MAP7: variants seen among roughly 807,000 people sequenced by gnomAD.
The protein encoded by MAP7 is microtubule associated protein 7, also known as ensconsin.
A neutral mutation model predicts 94.8 loss-of-function variants in MAP7; 52 were observed. That is an observed-to-expected ratio of 0.55 (90% CI 0.44 to 0.69). The LOEUF (loss-of-function observed/expected upper bound fraction) is 0.69. MAP7 is among the 30% of genes least tolerant of loss of function. MAP7 has a pLI of 0.00. For missense variants in MAP7, 940 were observed against 964.6 expected (o/e 0.97, Z 0.34); for synonymous variants, 350 against 357.0 (o/e 0.98, Z 0.22).
At chr6:136,385,180 G>A (rs1778867557) in intron 5 of MAP7, among the ~76,000 whole-genome samples, 1 of 152,078 alleles carries the variant, frequency 6.6e-6, no homozygotes, top group Non-Finnish European at 1.5e-5. Flanking sequence ...ACTATTTATA[G>A]CACACTGGTA....
intron 1 of MAP7, among the ~76,000 whole-genome samples, chr6:136,458,610 C>G (rs1804140955): frequency 6.6e-6 from 1 of 151,864 alleles, no homozygotes. Context: ...CAGAAATAAG[C>G]CCACAAATAT....
chr6:136,394,008 G>C (rs1781576916), intron 3 of MAP7, among the ~76,000 whole-genome samples: 1 of 119,684 alleles, frequency 8.4e-6, no homozygotes, highest in African/African-American at 3.2e-5. Flanking sequence ...TTTTGAGACA[G>C]AGTCTCACTC....
intron 1 of MAP7, among the ~76,000 whole-genome samples, chr6:136,465,664 T>C (rs1806774777): frequency 6.6e-6 from 1 of 152,192 alleles, no homozygotes. Flanking sequence ...CTGTCTGAAA[T>C]CACAGAACTA....
Position 136,550,400 on chromosome 6 carries a change from C to T in MAP7, c.9G>A (p.Glu3=), listed in dbSNP as rs1410635512. Residue 3 remains glutamate, a synonymous_variant, in exon 1 of 18, where the codon GAG becomes GAA. Transcript: ENST00000354570. This position sits in a 1 kb window ranked among gnomAD's most constrained non-coding sequence, Gnocchi z 5.1. ...TGTGGCCGTCGCCGCCAGCTCCTAG[C>T]TCCGCCATGGTGCTCCGATGACGCG... MA[E]LGAGGDGHRG... The T allele has an allele frequency of 2.6e-6, 4 of 1,526,558 alleles. No homozygotes were observed. In the African/African-American group the frequency reaches 5.7e-5, roughly 22 times the overall value. 94.6% of individuals were successfully genotyped at this position (1,526,558 alleles called of 1,614,324 possible).
Position 136,406,778 on chromosome 6 carries a change from G to C in MAP7, c.244+4842C>G, listed in dbSNP as rs577557931. Reference sequence around the variant, plus strand: ...GGAGGTTGCAGTGAGCTGAGATCATGCCACTGCACTCCTGCCTAAGTGACA... The same window carrying C: ...GGAGGTTGCAGTGAGCTGAGATCATCCCACTGCACTCCTGCCTAAGTGACA... On this transcript the variant is annotated intron_variant, in intron 3 of 17. Coordinates refer to ENST00000354570, the MANE Select transcript of MAP7 (RefSeq NM_003980.6). 3.9e-5 allele frequency among the ~76,000 whole-genome samples: 6 copies of C among 152,278 alleles called. No individual in the cohort carries two copies. In the East Asian group the frequency reaches 7.7e-4, roughly 20 times the overall value.
At chr6:136,439,772 G>A (rs1269243683) in intron 1 of MAP7, among the ~76,000 whole-genome samples, 1 of 152,048 alleles carries the variant, frequency 6.6e-6, no homozygotes, top group African/African-American at 2.4e-5. Flanking sequence ...GCAAAGATAA[G>A]CAACTTTTTT....
chr6:136,539,106 C>T (rs1044761722), intron 1 of MAP7, among the ~76,000 whole-genome samples: 2 of 152,160 alleles, frequency 1.3e-5, no homozygotes, highest in African/African-American at 4.8e-5. Flanking sequence ...GTGTGCCCAT[C>T]GTTTCACAGT....
chr6:136,349,638 C>T (rs920904311), intron 16 of MAP7, among the ~76,000 whole-genome samples: 1 of 152,160 alleles, frequency 6.6e-6, no homozygotes, highest in African/African-American at 2.4e-5. Flanking sequence ...TGCTAAAGTG[C>T]TGGGATTACA....
chr6:136,409,722 A>G (rs1369967056), intron 3 of MAP7, among the ~76,000 whole-genome samples: 9 of 152,222 alleles, frequency 5.9e-5, no homozygotes, highest in Admixed American at 5.9e-4. Context: ...CTCACAGTGG[A>G]TGCATTGCAC....
At position 136,385,140 on chromosome 6, in the gene MAP7, C is replaced by T. The variant is rs189563123; in HGVS notation, c.527-1359G>A. 4.6e-5 allele frequency among the ~76,000 whole-genome samples: 7 copies of T among 152,282 alleles called. No homozygotes were observed. The East Asian group carries it at 1.2e-3, about 25-fold the overall frequency. On this transcript the variant is annotated intron_variant, in intron 5 of 17. Transcript: ENST00000354570. ...TAACCTTGGCAGTAAGAAAAAATTGCTGCAAACTTTTCCCTGTGTATTTTT... is the reference window on the plus strand; with the variant it reads ...TAACCTTGGCAGTAAGAAAAAATTGTTGCAAACTTTTCCCTGTGTATTTTT...
chr6:136,519,128 A>G (rs1359057858), intron 1 of MAP7, among the ~76,000 whole-genome samples: 100 of 152,342 alleles, frequency 6.6e-4, no homozygotes, highest in Non-Finnish European at 2.4e-4. Context: ...AGAGAATCCA[A>G]TGAGTACAAG....
intron 1 of MAP7, chr6:136,526,831 A>C: frequency 1.7e-4 from 44 of 263,236 alleles, no homozygotes; most frequent in Non-Finnish European, 2.4e-4. Context: ...AGAGCAGCTC[A>C]CTTTACTTTC....
chr6:136,353,150 C>G (rs1789706789), intron 16 of MAP7, among the ~76,000 whole-genome samples: 1 of 152,144 alleles, frequency 6.6e-6, no homozygotes, highest in African/African-American at 2.4e-5. Context: ...TTTATGTTTT[C>G]ACCCAGGTAA....
At chr6:136,438,174 C>T (rs964829356) in intron 1 of MAP7, among the ~76,000 whole-genome samples, 6 of 152,222 alleles carry the variant, frequency 3.9e-5, no homozygotes, top group Non-Finnish European at 8.8e-5. Flanking sequence ...GACAGAACTA[C>T]TGTAGAGAAA....
At chr6:136,480,220 GT>G (rs1261773507) in intron 1 of MAP7, among the ~76,000 whole-genome samples, 1 of 152,060 alleles carries the variant, frequency 6.6e-6, no homozygotes, top group African/African-American at 2.4e-5. Flanking sequence ...TTTCAACAAA[GT>G]TGCCAAGAAC....
chr6:136,523,856 T>C (rs916193812), intron 1 of MAP7, among the ~76,000 whole-genome samples: 6 of 152,126 alleles, frequency 3.9e-5, no homozygotes, highest in African/African-American at 1.4e-4. Context: ...AGCATCTTCT[T>C]TCCTCCCCTT....
chr6:136,511,591 G>C (rs1450416889), intron 1 of MAP7, among the ~76,000 whole-genome samples: 1 of 152,236 alleles, frequency 6.6e-6, no homozygotes, highest in Non-Finnish European at 1.5e-5. Context: ...TGGAGAACTA[G>C]AGGGAATGTG....
chr6:136,348,730 G>C (rs1429343589), intron 16 of MAP7, among the ~76,000 whole-genome samples: 3 of 152,132 alleles, frequency 2.0e-5, no homozygotes, highest in Non-Finnish European at 2.9e-5. Flanking sequence ...ATCTCTTCCT[G>C]TGTGAACAAT....
chr6:136,486,548 C>A (rs1814802730), intron 1 of MAP7, among the ~76,000 whole-genome samples: 1 of 152,174 alleles, frequency 6.6e-6, no homozygotes, highest in African/African-American at 2.4e-5. Context: ...GCAGAAGAGA[C>A]ACTGACAAAA....
Sources: gnomAD v4.1 joint callset for allele counts (sites outside exome capture counted in the v4.1 genomes callset) on GRCh38, gnomAD v4.1.1 for gene constraint, Gnocchi (gnomAD v3.1) non-coding constraint, MANE v1.5 for transcripts, NCBI Gene and HGNC (gene_info 2026-07-23, HGNC 2026-07-21) for gene names.